PIK3R6: variants seen among roughly 807,000 people sequenced by gnomAD.
The protein encoded by PIK3R6 is phosphoinositide-3-kinase regulatory subunit 6, also known as phosphoinositide 3-kinase regulatory subunit 6.
A neutral mutation model predicts 84.9 loss-of-function variants in PIK3R6; 91 were observed. That is an observed-to-expected ratio of 1.07 (90% CI 0.90 to 1.28). The LOEUF (loss-of-function observed/expected upper bound fraction) is 1.28. Among genes scored for constraint, PIK3R6 ranks in the 50% most tolerant of loss-of-function variants. PIK3R6 has a pLI of 0.00. For missense variants in PIK3R6, 996 were observed against 985.1 expected (o/e 1.01, Z -0.15); for synonymous variants, 416 against 411.4 (o/e 1.01, Z -0.13).
Position 8,849,875 on chromosome 17 carries a change from C to A in PIK3R6, c.-81G>T. On this transcript the variant is annotated 5_prime_UTR_variant, in exon 2 of 20. Transcript: ENST00000619866. Reference sequence around the variant, plus strand: ...AGAACAAGGTGGTTGCTTTTCTGCACAGAGGTGGTTCTGCAAAATAAGAGG... The same window carrying A: ...AGAACAAGGTGGTTGCTTTTCTGCAAAGAGGTGGTTCTGCAAAATAAGAGG... 1 of 1,554,680 alleles carries A rather than the reference C, an allele frequency of 6.4e-7. No homozygotes were observed. The highest frequency in any genetic ancestry group is 1.2e-5 in the South Asian group (1 of 84,566).
chr17:8,849,839 C>T lies in PIK3R6; in HGVS notation c.-45G>A. On this transcript the variant is annotated 5_prime_UTR_variant, in exon 2 of 20. Transcript: ENST00000619866. ...AGGAGGAGGATGTGGTTGTCTCGGGCAGCAGAATAGAGAACAAGGTGGTTG... is the reference window on the plus strand; with the variant it reads ...AGGAGGAGGATGTGGTTGTCTCGGGTAGCAGAATAGAGAACAAGGTGGTTG... 2 of 1,606,208 alleles carry T rather than the reference C, an allele frequency of 1.2e-6. No homozygotes were observed. The highest frequency in any genetic ancestry group is 1.7e-6 in the Non-Finnish European group (2 of 1,176,146).
chr17:8,853,716 C>T (rs1234919142), intron 1 of PIK3R6, among the ~76,000 whole-genome samples: 1 of 151,810 alleles, frequency 6.6e-6, no homozygotes, highest in Non-Finnish European at 1.5e-5. Flanking sequence ...GTAATCCCGG[C>T]ACTTTGGGAG....
intron 2 of PIK3R6, among the ~76,000 whole-genome samples, chr17:8,841,532 C>G (rs142704794): frequency 2.0e-5 from 3 of 152,160 alleles, no homozygotes; most frequent in Non-Finnish European, 4.4e-5. Context: ...ATTTTCCATC[C>G]GCTGACCCCT....
chr17:8,856,000 A>G (rs144871369), intron 1 of PIK3R6, among the ~76,000 whole-genome samples: 89 of 152,346 alleles, frequency 5.8e-4, no homozygotes, highest in Non-Finnish European at 6.5e-4. Context: ...CGGCATTAAA[A>G]AGAGAACTAC....
chr17:8,827,322 G>A (rs1029128569), intron 12 of PIK3R6, 28 bp from the exon 13 acceptor site: 49 of 1,545,146 alleles, frequency 3.2e-5, no homozygotes, highest in Non-Finnish European at 3.8e-5. Context: ...GGGCAGACCC[G>A]TCAGGCCCTC....
intron 18 of PIK3R6, among the ~76,000 whole-genome samples, chr17:8,811,387 A>C (rs768916734): frequency 6.1e-5 from 9 of 148,118 alleles, no homozygotes; most frequent in Non-Finnish European, 1.2e-4. Context: ...CATTTTCCCC[A>C]TTGTCTTGGG....
chr17:8,863,158 T>C (rs1217979516), intron 1 of PIK3R6, among the ~76,000 whole-genome samples: 1 of 152,104 alleles, frequency 6.6e-6, no homozygotes, highest in East Asian at 1.9e-4. Flanking sequence ...GGGAGGGGTG[T>C]GCAGTGTCTA....
At chr17:8,822,015 G>T (rs368071839) in intron 16 of PIK3R6, 79 bp from the exon 17 acceptor site, 5 of 1,163,766 alleles carry the variant, frequency 4.3e-6, no homozygotes, top group South Asian at 1.4e-5. Context: ...CCACAGTCTT[G>T]CCTCTCTCCC....
intron 18 of PIK3R6, among the ~76,000 whole-genome samples, chr17:8,817,440 G>A (rs1412402057): frequency 6.6e-6 from 1 of 152,080 alleles, no homozygotes; most frequent in Non-Finnish European, 1.5e-5. Context: ...TCAGGAGTTC[G>A]AGACCATCCT....
chr17:8,837,035 T>A, intron 5 of PIK3R6, 112 bp from the exon 6 acceptor site: 3 of 808,544 alleles, frequency 3.7e-6, no homozygotes, highest in Non-Finnish European at 6.0e-6. Flanking sequence ...GGAGAAGAGG[T>A]GGAAGGTCAG....
At chr17:8,804,233 G>A in intron 18 of PIK3R6, 80 bp from the exon 19 acceptor site, 6 of 1,194,922 alleles carry the variant, frequency 5.0e-6, no homozygotes, top group Non-Finnish European at 4.9e-6. Flanking sequence ...CCTGGAATCT[G>A]GTGTATTTCT....
chr17:8,829,662 A>G lies in PIK3R6; in HGVS notation c.889+44T>C, dbSNP rs773990403. The G allele has an allele frequency of 7.2e-5, 110 of 1,522,718 alleles. 1 individual carries two copies. The highest frequency in any genetic ancestry group is 4.5e-6 in the Non-Finnish European group (5 of 1,121,654). 94.3% of individuals were successfully genotyped at this position (1,522,718 alleles called of 1,614,324 possible). ...CTCATGCACGCATACACACACAGAC[A>G]CAGACATATACCACTGTTTCCAGAC... is the stretch of plus-strand genomic sequence containing the variant. On this transcript the variant is annotated intron_variant, in intron 10 of 19. Transcript: ENST00000619866.
Position 8,819,200 on chromosome 17 carries a change from T to A in PIK3R6, c.1880-2A>T, listed in dbSNP as rs770010605. On this transcript the variant is annotated splice_acceptor_variant, in intron 17 of 19. Transcript: ENST00000619866. LOFTEE classifies it high-confidence loss of function. ...GGGGGCAATGGCTAGACCCTGAAAC[T>A]GAATGAGATGGGTGGGGCTGTAAAT... 3.8e-6 allele frequency: 6 copies of A among 1,594,764 alleles called. No homozygotes were observed. Among genetic ancestry groups the A allele is most frequent in the Non-Finnish European group, 5.1e-6 (6 of 1,167,538 alleles).
At chr17:8,813,067 A>G (rs1262304886) in intron 18 of PIK3R6, among the ~76,000 whole-genome samples, 1 of 152,222 alleles carries the variant, frequency 6.6e-6, no homozygotes, top group African/African-American at 2.4e-5. Flanking sequence ...GTATCATTAC[A>G]ATTGATACAA....
At chr17:8,858,356 G>A (rs564293295) in intron 1 of PIK3R6, among the ~76,000 whole-genome samples, 4 of 120,224 alleles carry the variant, frequency 3.3e-5, no homozygotes, top group East Asian at 4.7e-4. Flanking sequence ...TGCTCTTGTC[G>A]CCCAGGCTGG....
intron 1 of PIK3R6, among the ~76,000 whole-genome samples, chr17:8,850,194 A>G (rs1054467240): frequency 6.6e-6 from 1 of 151,694 alleles, no homozygotes; most frequent in African/African-American, 2.4e-5. Flanking sequence ...AATTCCAGCT[A>G]CTCAGGAGGC....
chr17:8,833,430 C>T (rs1278211357), intron 8 of PIK3R6, among the ~76,000 whole-genome samples: 1 of 151,184 alleles, frequency 6.6e-6, no homozygotes, highest in Non-Finnish European at 1.5e-5. Flanking sequence ...TTCATAGCTG[C>T]ATCTCCAGCA....
At chr17:8,853,961 G>GAA (rs58019683) in intron 1 of PIK3R6, among the ~76,000 whole-genome samples, 3 of 120,334 alleles carry the variant, frequency 2.5e-5, no homozygotes, top group Non-Finnish European at 3.5e-5. Flanking sequence ...GACTCCGTCT[G>GAA]AAAAAAAAAA....
chr17:8,850,137 C>A (rs1232880366), intron 1 of PIK3R6, among the ~76,000 whole-genome samples: 2 of 151,984 alleles, frequency 1.3e-5, no homozygotes, highest in Non-Finnish European at 2.9e-5. Context: ...AACCCCGTCT[C>A]TACTAAAAAT....
Sources: gnomAD v4.1 joint callset for allele counts (sites outside exome capture counted in the v4.1 genomes callset) on GRCh38, gnomAD v4.1.1 for gene constraint, MANE v1.5 for transcripts, NCBI Gene and HGNC (gene_info 2026-07-23, HGNC 2026-07-21) for gene names.